Variants in PTPRA observed in about 807,000 individuals in gnomAD.
The protein encoded by PTPRA is receptor-type tyrosine-protein phosphatase alpha.
A neutral mutation model predicts 104.8 loss-of-function variants in PTPRA; 25 were observed. That is an observed-to-expected ratio of 0.24 (90% CI 0.17 to 0.33). The LOEUF is 0.33. Among genes scored for constraint, PTPRA ranks in the 10% least tolerant of loss-of-function variants. The pLI is 1.00. For synonymous variants in PTPRA, 323 were observed against 368.9 expected (o/e 0.88, Z 1.43); for missense variants, 765 against 1,015.3 (o/e 0.75, Z 3.35).
chr20:2,906,577 G>A lies in PTPRA; in HGVS notation c.-128-16630G>A, dbSNP rs187865746. Among the ~76,000 whole-genome samples the A allele has an allele frequency of 2.5e-3, 376 of 152,214 alleles. 2 individuals are homozygous for A. The highest frequency in any genetic ancestry group is 4.0e-3 in the Non-Finnish European group (275 of 67,992). On this transcript the variant is annotated intron_variant, in intron 1 of 23. Coordinates refer to ENST00000399903, the MANE Select transcript of PTPRA (RefSeq NM_001385305.1). ...AATAAACACAATTTATTGAAATACA[G>A]GTATACTAATGAGAAGAATGGAGTT...
At chr20:2,939,540 G>A (rs528640309) in intron 2 of PTPRA, among the ~76,000 whole-genome samples, 1 of 152,324 alleles carries the variant, frequency 6.6e-6, no homozygotes, top group South Asian at 2.1e-4. Context: ...GTTTTTGTCT[G>A]CTGAGCTGCC....
At chr20:2,920,151 A>G (rs2060048900) in intron 1 of PTPRA, among the ~76,000 whole-genome samples, 9 of 152,194 alleles carry the variant, frequency 5.9e-5, no homozygotes, top group Admixed American at 5.9e-4. Flanking sequence ...ACAAGCAATT[A>G]AGGAAGAACA....
intron 1 of PTPRA, among the ~76,000 whole-genome samples, chr20:2,898,602 A>G (rs1049352781): frequency 3.3e-5 from 5 of 151,794 alleles, no homozygotes; most frequent in Admixed American, 6.6e-5. Flanking sequence ...TCACGCCTAT[A>G]ATCCTAGCAC....
At chr20:2,895,695 A>G (rs1005111772) in intron 1 of PTPRA, among the ~76,000 whole-genome samples, 4 of 151,890 alleles carry the variant, frequency 2.6e-5, no homozygotes, top group African/African-American at 9.7e-5. Context: ...TAGTCTGGCT[A>G]ATTTTTGAAG....
At chr20:3,023,470 A>G (rs1472275199) in intron 16 of PTPRA, among the ~76,000 whole-genome samples, 1 of 152,232 alleles carries the variant, frequency 6.6e-6, no homozygotes, top group Admixed American at 6.5e-5. Flanking sequence ...TTACTGAGAT[A>G]GGAGAAAACC....
intron 2 of PTPRA, among the ~76,000 whole-genome samples, chr20:2,946,717 G>T (rs1178047): frequency 0.11 from 16,799 of 151,572 alleles, 1,126 homozygotes; most frequent in African/African-American, 0.16. Flanking sequence ...GCGTGGTGGC[G>T]CATGCCTGTA....
At chr20:2,957,704 C>A (rs1483085220) in intron 3 of PTPRA, among the ~76,000 whole-genome samples, 1 of 152,144 alleles carries the variant, frequency 6.6e-6, no homozygotes, top group East Asian at 1.9e-4. Context: ...GGGAAAATTT[C>A]TGGATATAGT....
At chr20:2,891,460 G>A (rs2058787195) in intron 1 of PTPRA, among the ~76,000 whole-genome samples, 1 of 152,068 alleles carries the variant, frequency 6.6e-6, no homozygotes, top group African/African-American at 2.4e-5. Context: ...CTCTGTCTTT[G>A]GTTGGACTGC....
upstream of PTPRA, among the ~76,000 whole-genome samples, chr20:2,869,101 C>G (rs2089397967): frequency 6.6e-6 from 1 of 152,176 alleles, no homozygotes; most frequent in African/African-American, 2.4e-5. Context: ...TAAAAACTTT[C>G]AAACATACAG....
chr20:2,894,657 A>G (rs2058924966), intron 1 of PTPRA, among the ~76,000 whole-genome samples: 1 of 151,674 alleles, frequency 6.6e-6, no homozygotes, highest in Admixed American at 6.6e-5. Flanking sequence ...TCTTCACTTT[A>G]ACTGTGAAAG....
intron 5 of PTPRA, among the ~76,000 whole-genome samples, chr20:2,970,734 G>A (rs972501860): frequency 6.6e-6 from 1 of 152,008 alleles, no homozygotes; most frequent in Non-Finnish European, 1.5e-5. Flanking sequence ...TCTAGGAATT[G>A]GGTCATATCT....
chr20:3,027,110 T>A lies in PTPRA; in HGVS notation c.1709-11T>A. The A allele has an allele frequency of 6.2e-7, 1 of 1,613,112 alleles. No homozygotes were observed. The highest frequency in any genetic ancestry group is 8.5e-7 in the Non-Finnish European group (1 of 1,179,632). Reference sequence around the variant, plus strand: ...ATATTGGCTAGCCATAAGCCGCTATTCTTCTTACAGATGAATTCAACAGAG... The same window carrying A: ...ATATTGGCTAGCCATAAGCCGCTATACTTCTTACAGATGAATTCAACAGAG... On this transcript the variant is annotated splice_polypyrimidine_tract_variant and intron_variant, in intron 18 of 23. Coordinates refer to ENST00000399903, the MANE Select transcript of PTPRA (RefSeq NM_001385305.1).
intron 1 of PTPRA, among the ~76,000 whole-genome samples, chr20:2,876,459 A>G (rs2089724479): frequency 6.6e-6 from 1 of 152,020 alleles, no homozygotes; most frequent in Non-Finnish European, 1.5e-5. Flanking sequence ...TACCACTCAC[A>G]CCTTACTGGG....
chr20:2,960,471 G>A (rs1374977706), intron 3 of PTPRA, among the ~76,000 whole-genome samples: 2 of 151,858 alleles, frequency 1.3e-5, no homozygotes, highest in Non-Finnish European at 2.9e-5. Context: ...GGATGGTCTC[G>A]ATCTCCTGAC....
the PTPRA span, chr20:2,866,778 G>T: frequency 1.4e-6 from 1 of 727,680 alleles, no homozygotes; most frequent in Non-Finnish European, 2.2e-6. Context: ...GCAAGCTCAA[G>T]ACAGGATCCT....
intron 11 of PTPRA, among the ~76,000 whole-genome samples, chr20:3,010,735 C>T (rs943289785): frequency 2.6e-5 from 4 of 152,210 alleles, no homozygotes; most frequent in Non-Finnish European, 5.9e-5. Flanking sequence ...AGGCTTTTCA[C>T]GGAATCCTCC....
intron 1 of PTPRA, among the ~76,000 whole-genome samples, chr20:2,892,476 T>C (rs1167803405): frequency 1.3e-5 from 2 of 152,108 alleles, no homozygotes; most frequent in Non-Finnish European, 2.9e-5. Context: ...AAATTTGATC[T>C]TTTCCCAGGC....
chr20:2,906,199 A>C (rs940873958), intron 1 of PTPRA, among the ~76,000 whole-genome samples: 4 of 152,340 alleles, frequency 2.6e-5, no homozygotes, highest in African/African-American at 9.6e-5. Flanking sequence ...TTTTTACCGT[A>C]ATATTGGCAG....
At chr20:3,004,438 A>T (rs2063769796) in intron 9 of PTPRA, among the ~76,000 whole-genome samples, 1 of 152,264 alleles carries the variant, frequency 6.6e-6, no homozygotes, top group Non-Finnish European at 1.5e-5. Context: ...TAACTAATCT[A>T]CATTTGCTCC....
Sources: allele counts gnomAD v4.1 joint callset (sites outside exome capture counted in the v4.1 genomes callset), GRCh38; gene constraint gnomAD v4.1.1; transcripts MANE v1.5; gene names NCBI Gene and HGNC (gene_info 2026-07-23, HGNC 2026-07-21).